PPP1R21: variants seen among roughly 807,000 people sequenced by gnomAD.
The protein encoded by PPP1R21 is protein phosphatase 1 regulatory subunit 21, also known as KLRAQ motif containing 1.
In PPP1R21, 85 loss-of-function variants were observed where a neutral mutation model predicts 112.8. The observed-to-expected ratio is 0.75, with a 90% CI of 0.63 to 0.90. The LOEUF is 0.90. Ranked by LOEUF, PPP1R21 falls within the 40% of genes least tolerant of loss-of-function variation. The pLI is 0.00. For missense variants in PPP1R21, 1,199 were observed against 901.5 expected (o/e 1.33, Z -4.23); for synonymous variants, 381 against 322.3 (o/e 1.18, Z -1.95).
In PPP1R21 at chr2:48,482,649, T is replaced by TG. The variant is rs563206635; in HGVS notation, c.1318+2633_1318+2634insG. 3.4e-3 allele frequency among the ~76,000 whole-genome samples: 512 copies of TG among 151,866 alleles called. 1 individual carries two copies. Among genetic ancestry groups the TG allele is most frequent in the African/African-American group, 0.012 (481 of 41,432 alleles). ...AGCATTTAAAATAAAGACACTGTTT[T>TG]TTTTTTTTTTTTTTAGGATGTCTAC... On this transcript the variant is annotated intron_variant, in intron 13 of 21. Transcript: ENST00000294952.
intron 11 of PPP1R21, among the ~76,000 whole-genome samples, chr2:48,473,980 T>A (rs942326356): frequency 1.6e-4 from 25 of 152,232 alleles, no homozygotes. Context: ...ATTCTCTTGC[T>A]GGTGTCAGTG....
chr2:48,458,148 A>T lies in PPP1R21; in HGVS notation c.296A>T (p.Gln99Leu). Reference sequence around the variant, plus strand: ...CAGAAAAGTGGAGAATCTTCTTCTCAGTTGAGTCAAGAGCAGAAGAGTGTC... The same window carrying T: ...CAGAAAAGTGGAGAATCTTCTTCTCTGTTGAGTCAAGAGCAGAAGAGTGTC... Reference protein sequence around the residue: ...KNKKSGESSSQLSQEQKSVFD... With the variant: ...KNKKSGESSSLLSQEQKSVFD... Residue 99 changes from glutamine (Q) to leucine (L), a missense_variant, in exon 4 of 22, where the codon CAG becomes CTG. Coordinates refer to ENST00000294952, the MANE Select transcript of PPP1R21 (RefSeq NM_001135629.3). The T allele has an allele frequency of 6.2e-7, 1 of 1,611,242 alleles. No individual in the cohort carries two copies. Among genetic ancestry groups the T allele is most frequent in the South Asian group, 1.1e-5 (1 of 90,954 alleles).
chr2:48,496,300 C>G (rs553445980), intron 16 of PPP1R21, among the ~76,000 whole-genome samples: 1 of 152,290 alleles, frequency 6.6e-6, no homozygotes, highest in African/African-American at 2.4e-5. Context: ...ATCTCTCTCT[C>G]TGATCTTCTC....
In PPP1R21 at chr2:48,454,596, A is replaced by G; in HGVS notation, c.128A>G (p.Glu43Gly). 1 of 1,614,132 alleles carries G rather than the reference A, an allele frequency of 6.2e-7. No individual in the cohort carries two copies. The highest frequency in any genetic ancestry group is 1.1e-5 in the South Asian group (1 of 91,080). The change falls in exon 3 of 22, where the codon GAG (glutamate) becomes GGG (glycine). Residue 43 changes from glutamate to glycine, a missense_variant and splice_region_variant. Glu to Gly is a moderately conservative substitution (Grantham distance 98). Coordinates refer to ENST00000294952, the MANE Select transcript of PPP1R21 (RefSeq NM_001135629.3). ...CAATCTGTTTTCACTTTGATATAGGAGCAACTGAAAATGAAGGATCAGTCA... is the reference window on the plus strand; with the variant it reads ...CAATCTGTTTTCACTTTGATATAGGGGCAACTGAAAATGAAGGATCAGTCA... ...DEQANSAALKEQLKMKDQSLR... is the reference protein window; with the variant it reads ...DEQANSAALKGQLKMKDQSLR...
intron 16 of PPP1R21, among the ~76,000 whole-genome samples, chr2:48,497,178 C>T (rs977113588): frequency 3.3e-5 from 5 of 152,184 alleles, no homozygotes; most frequent in Non-Finnish European, 5.9e-5. Context: ...CTCACACTAT[C>T]TCCATGTAGA....
In PPP1R21 at chr2:48,510,123, G is replaced by T. The variant is rs1670571114; in HGVS notation, c.2184+10G>T. On this transcript the variant is annotated intron_variant, in intron 20 of 21. Transcript: ENST00000294952. ...CATCAGCAGACTTCAGGTGAGTTAA[G>T]TGTTACCTGAATGGTTTTAATGTTT... is the stretch of plus-strand genomic sequence containing the variant. 1 of 1,592,834 alleles carries T rather than the reference G, an allele frequency of 6.3e-7. No individual in the cohort carries two copies. Among genetic ancestry groups the T allele is most frequent in the African/African-American group, 1.3e-5 (1 of 74,290 alleles).
intron 14 of PPP1R21, among the ~76,000 whole-genome samples, chr2:48,487,910 G>A (rs541584092): frequency 5.9e-5 from 9 of 152,120 alleles, no homozygotes; most frequent in African/African-American, 2.2e-4. Context: ...AAAACCAAAA[G>A]GACTGTATTC....
At chr2:48,444,322 A>G (rs1478931403) in intron 1 of PPP1R21, among the ~76,000 whole-genome samples, 1 of 152,226 alleles carries the variant, frequency 6.6e-6, no homozygotes, top group Non-Finnish European at 1.5e-5. Context: ...AGGTTTGTGA[A>G]GTTAATAACA....
In PPP1R21 at chr2:48,498,716, C is replaced by A. The variant is rs1203024094; in HGVS notation, c.1916C>A (p.Pro639His). 6.2e-7 allele frequency: 1 copy of A among 1,614,160 alleles called. No individual in the cohort carries two copies. Residue 639 changes from proline (P) to histidine (H), a missense_variant, in exon 17 of 22, where the codon CCC (proline) becomes CAC (histidine). Coordinates refer to ENST00000294952, the MANE Select transcript of PPP1R21 (RefSeq NM_001135629.3). ...GCCACAGCTAAGGCTGTGTTGGAGC[C>A]CATTCAGAGCACCAGTCTAGTAAGT... ...DEATAKAVLE[P>H]IQSTSLIGTL...
intron 3 of PPP1R21, among the ~76,000 whole-genome samples, chr2:48,456,090 A>C (rs949643474): frequency 1.3e-5 from 2 of 150,748 alleles, no homozygotes; most frequent in Non-Finnish European, 2.9e-5. Context: ...TGCAGATGTA[A>C]TTTCTTAGCA....
chr2:48,444,390 A>C (rs62137050), intron 1 of PPP1R21, among the ~76,000 whole-genome samples: 1 of 152,202 alleles, frequency 6.6e-6, no homozygotes, highest in Non-Finnish European at 1.5e-5. Context: ...CAGTTGCTAC[A>C]TTATAGATTA....
intron 13 of PPP1R21, 88 bp downstream of exon 13, chr2:48,480,104 G>A (rs1279777900): frequency 1.1e-6 from 1 of 887,254 alleles, no homozygotes; most frequent in Non-Finnish European, 1.9e-6. Context: ...CACTGCCAAG[G>A]GTAATAGACC....
intron 19 of PPP1R21, among the ~76,000 whole-genome samples, chr2:48,507,953 T>G (rs1216414200): frequency 6.6e-6 from 1 of 150,902 alleles, no homozygotes; most frequent in Non-Finnish European, 1.5e-5. Context: ...TTTGTAGAGA[T>G]GGAGTTTCAC....
chr2:48,509,943 C>G (rs184994901), intron 19 of PPP1R21, 72 bp from the exon 20 acceptor site: 1 of 1,106,896 alleles, frequency 9.0e-7, no homozygotes, highest in Non-Finnish European at 1.3e-6. Flanking sequence ...GTGTTTTTAA[C>G]AAACTTTCCC....
chr2:48,466,470 G>T (rs993275058), intron 9 of PPP1R21, among the ~76,000 whole-genome samples: 1 of 151,844 alleles, frequency 6.6e-6, no homozygotes, highest in Non-Finnish European at 1.5e-5. Flanking sequence ...CAGGTGATCT[G>T]CCTGCCTCAG....
At chr2:48,473,742 C>T (rs537123523) in intron 11 of PPP1R21, among the ~76,000 whole-genome samples, 63 of 151,904 alleles carry the variant, frequency 4.1e-4, no homozygotes, top group Non-Finnish European at 6.8e-4. Flanking sequence ...CTGGCTTTGT[C>T]TAAAAACCTT....
intron 12 of PPP1R21, among the ~76,000 whole-genome samples, chr2:48,476,627 A>G (rs1269314639): frequency 6.6e-6 from 1 of 152,002 alleles, no homozygotes; most frequent in Non-Finnish European, 1.5e-5. Context: ...TGGTTTTTTG[A>G]TTTTTAGCTA....
At chr2:48,442,185 T>G (rs1667059708) in intron 1 of PPP1R21, among the ~76,000 whole-genome samples, 1 of 152,216 alleles carries the variant, frequency 6.6e-6, no homozygotes, top group African/African-American at 2.4e-5. Flanking sequence ...GGGCCAGAAG[T>G]TGTTTGGAAC....
intron 13 of PPP1R21, among the ~76,000 whole-genome samples, chr2:48,483,322 C>T (rs1358916532): frequency 6.9e-6 from 1 of 145,746 alleles, no homozygotes; most frequent in Non-Finnish European, 1.5e-5. Flanking sequence ...GCTGGGACTA[C>T]AGGTGTGCGT....
Sources: gnomAD v4.1 joint callset for allele counts (sites outside exome capture counted in the v4.1 genomes callset) on GRCh38, gnomAD v4.1.1 for gene constraint, MANE v1.5 for transcripts, NCBI Gene and HGNC (gene_info 2026-07-23, HGNC 2026-07-21) for gene names.